The following BRI3 variants were observed in gnomAD, a reference collection of about 807,000 sequenced individuals.
The protein encoded by BRI3 is membrane protein BRI3.
BRI3 carries 6 observed loss-of-function variants against 12.8 expected under a neutral mutation model. The ratio of observed to expected loss-of-function variants is 0.47; its 90% CI spans 0.26 to 0.93. The LOEUF is 0.93. Ranked by LOEUF, BRI3 falls within the 40% of genes least tolerant of loss-of-function variation. The pLI is 0.15. For missense variants in BRI3, 134 were observed against 171.1 expected (o/e 0.78, Z 1.21); for synonymous variants, 91 against 76.1 (o/e 1.20, Z -1.02).
At chr7:98,297,706 C>T (rs554261451), downstream of BRI3, among the ~76,000 whole-genome samples, 6 of 152,154 alleles carry the variant, frequency 3.9e-5, no homozygotes, top group South Asian at 8.3e-4. Context: ...CCAACTGCTC[C>T]GAGCCACTGG....
downstream of BRI3, among the ~76,000 whole-genome samples, chr7:98,295,236 C>T (rs1379743709): frequency 6.6e-6 from 1 of 152,174 alleles, no homozygotes; most frequent in Non-Finnish European, 1.5e-5. Context: ...GTTGGGTGTA[C>T]AGGCTGTGGA....
chr7:98,306,557 CAT>C lies in BRI3; in HGVS notation n.37_38del, dbSNP rs748157748. The C allele has an allele frequency of 1.4e-5, 23 of 1,613,928 alleles. No individual in the cohort carries two copies. In the African/African-American group the frequency reaches 2.5e-4, roughly 18 times the overall value. ...GAGAAAAGACCCTATCAGCAGTAGA[CAT>C]GTGGACGGCAACCTCCCTGAACAAC... On this transcript the variant is annotated non_coding_transcript_exon_variant, in exon 1 of 2. Coordinates refer to the BRI3 transcript ENST00000485422.
exon 2 of BRI3, chr7:98,308,996 A>C (rs1173842377): frequency 6.6e-6 from 1 of 151,510 alleles, no homozygotes; most frequent in African/African-American, 2.4e-5. Context: ...TTTTCCATTC[A>C]AATTTTCCCA....
downstream of BRI3, chr7:98,294,244 T>G: frequency 1.1e-6 from 1 of 880,820 alleles, no homozygotes; most frequent in East Asian, 2.7e-5. Context: ...CCTTCCACCT[T>G]GGCCTCCTAA....
At chr7:98,321,664 G>A in the BRI3 span, among the ~76,000 whole-genome samples, 1 of 152,128 alleles carries the variant, frequency 6.6e-6, no homozygotes, top group African/African-American at 2.4e-5. Flanking sequence ...GGAACCAAAC[G>A]GGTTTCCTAG....
intron 1 of BRI3, chr7:98,306,783 C>A: frequency 2.2e-6 from 1 of 453,412 alleles, no homozygotes. Context: ...TCATAGCTCA[C>A]AGCAGCCTCG....
intron 1 of BRI3, among the ~76,000 whole-genome samples, chr7:98,301,518 C>T (rs969859075): frequency 1.3e-4 from 20 of 148,966 alleles, no homozygotes; most frequent in East Asian, 6.0e-4. Flanking sequence ...GGGATTTCAC[C>T]GTGTTAGCCA....
exon 2 of BRI3, chr7:98,308,062 G>T (rs1372310148): frequency 3.4e-5 from 25 of 738,740 alleles, no homozygotes; most frequent in Non-Finnish European, 5.5e-5. Context: ...TGCCCAGAAG[G>T]AACAGGGACT....
intron 2 of BRI3, among the ~76,000 whole-genome samples, chr7:98,288,680 C>T (rs1289027907): frequency 6.6e-6 from 1 of 151,824 alleles, no homozygotes; most frequent in East Asian, 1.9e-4. Context: ...CTTTTGAGAA[C>T]GAATGGACAT....
chr7:98,294,094 A>G (rs1303904454), downstream of BRI3: 2 of 1,614,044 alleles, frequency 1.2e-6, no homozygotes, highest in Non-Finnish European at 1.7e-6. Flanking sequence ...GCGGCTTTGC[A>G]GTCCCGTTGG....
At chr7:98,314,626 C>A (rs1052124101), downstream of BRI3, among the ~76,000 whole-genome samples, 1 of 152,176 alleles carries the variant, frequency 6.6e-6, no homozygotes, top group Non-Finnish European at 1.5e-5. Context: ...GTTGAATAAA[C>A]CAGGAACCAA....
chr7:98,306,663 T>C, exon 1 of BRI3: 1 of 1,165,988 alleles, frequency 8.6e-7, no homozygotes, highest in Non-Finnish European at 1.2e-6. Context: ...AGGCTTTTAA[T>C]AGGTAAATAT....
the BRI3 span, chr7:98,322,819 C>T: frequency 2.6e-5 from 4 of 152,282 alleles, no homozygotes; most frequent in East Asian, 7.7e-4. Context: ...GGGATCTTTC[C>T]AAAATGCAGG....
At chr7:98,318,842 G>A in the BRI3 span, among the ~76,000 whole-genome samples, 1 of 151,400 alleles carries the variant, frequency 6.6e-6, no homozygotes, top group Non-Finnish European at 1.5e-5. Flanking sequence ...TAATTGGGAG[G>A]CTGAGGTAGG....
downstream of BRI3, chr7:98,292,199 T>C (rs569479335): frequency 6.7e-5 from 12 of 180,276 alleles, no homozygotes; most frequent in South Asian, 1.1e-3. Context: ...ACTACACTTA[T>C]GGCAAGGCTA....
the BRI3 span, among the ~76,000 whole-genome samples, chr7:98,318,173 G>C: frequency 2.0e-5 from 3 of 152,198 alleles, no homozygotes; most frequent in Non-Finnish European, 2.9e-5. Context: ...TGTTCTAAAG[G>C]TTACTGTTTA....
upstream of BRI3, among the ~76,000 whole-genome samples, chr7:98,302,586 G>A (rs1383983546): frequency 7.6e-6 from 1 of 132,310 alleles, no homozygotes; most frequent in African/African-American, 2.6e-5. Flanking sequence ...CAGGAGACAC[G>A]GGGGAACGCA....
At chr7:98,306,398 G>A (rs775956056), upstream of BRI3, 4 of 1,606,186 alleles carry the variant, frequency 2.5e-6, no homozygotes, top group South Asian at 1.1e-5. Context: ...ACAAGGCAGG[G>A]GTTTCTGTCA....
At chr7:98,308,114 G>A (rs185943742) in exon 2 of BRI3, 30 of 672,880 alleles carry the variant, frequency 4.5e-5, no homozygotes, top group African/African-American at 4.2e-4. Context: ...GGCATGCACC[G>A]TGCAGAAGAG....
Sources: gnomAD v4.1 joint callset for allele counts (sites outside exome capture counted in the v4.1 genomes callset) on GRCh38, gnomAD v4.1.1 for gene constraint, MANE v1.5 for transcripts, NCBI Gene and HGNC (gene_info 2026-07-23, HGNC 2026-07-21) for gene names.